The following RHOU variants were observed in gnomAD, a reference collection of about 807,000 sequenced individuals.
The protein encoded by RHOU is ras homolog family member U.
RHOU carries 8 observed loss-of-function variants against 12.6 expected under a neutral mutation model. The ratio of observed to expected loss-of-function variants is 0.64; its 90% CI spans 0.37 to 1.15. RHOU has a LOEUF of 1.15. Ranked by LOEUF, RHOU falls within the 50% of genes most tolerant of loss-of-function variation. The pLI is 0.01. For synonymous variants in RHOU, 161 were observed against 147.4 expected (o/e 1.09, Z -0.67); for missense variants, 258 against 347.0 (o/e 0.74, Z 2.04).
the RHOU span, among the ~76,000 whole-genome samples, chr1:228,708,292 C>T: frequency 1.3e-5 from 2 of 151,910 alleles, no homozygotes; most frequent in African/African-American, 2.4e-5. Flanking sequence ...CATTCAGATT[C>T]AGGAAATACA....
chr1:228,728,998 C>T, the RHOU span, among the ~76,000 whole-genome samples: 4 of 151,784 alleles, frequency 2.6e-5, no homozygotes, highest in African/African-American at 7.3e-5. Flanking sequence ...CGGGTTCAAG[C>T]GATTCTTCTA....
rs1323087565 is a variant in RHOU, at chr1:228,742,056, C to T, written c.322-1229C>T. Among the ~76,000 whole-genome samples, 7 of 152,110 alleles carry T rather than the reference C, an allele frequency of 4.6e-5. No individual in the cohort carries two copies. The East Asian group carries it at 7.7e-4, about 17-fold the overall frequency. On this transcript the variant is annotated intron_variant, in intron 2 of 2. Transcript: ENST00000366691. ...ATGTAAATGGTACTTGGTAAATAATCGGAGTGTGTCAATTGAGTAATGAAA... is the reference window on the plus strand; with the variant it reads ...ATGTAAATGGTACTTGGTAAATAATTGGAGTGTGTCAATTGAGTAATGAAA...
In RHOU at chr1:228,736,441, C is replaced by T. The variant is rs535616599; in HGVS notation, c.262+437C>T. ...CGCGCAGGTGCCTTTACCTGAGCGT[C>T]GCTCCTTTGCTTTTAGGCGGCTCAG... On this transcript the variant is annotated intron_variant, in intron 1 of 2. Transcript: ENST00000366691. Among the ~76,000 whole-genome samples the T allele has an allele frequency of 5.9e-5, 9 of 152,156 alleles. No individual in the cohort carries two copies. The South Asian group carries it at 1.7e-3, about 28-fold the overall frequency.
chr1:228,712,210 T>A, the RHOU span, among the ~76,000 whole-genome samples: 1 of 151,650 alleles, frequency 6.6e-6, no homozygotes, highest in Admixed American at 6.6e-5. Flanking sequence ...ACACTGTTGG[T>A]GGGACTGTAA....
At chr1:228,720,125 T>G in the RHOU span, among the ~76,000 whole-genome samples, 1 of 152,068 alleles carries the variant, frequency 6.6e-6, no homozygotes, top group Admixed American at 6.6e-5. Context: ...GCCAGGAGTT[T>G]GATACCAGCC....
the RHOU span, among the ~76,000 whole-genome samples, chr1:228,677,060 T>G: frequency 6.6e-6 from 1 of 151,890 alleles, no homozygotes; most frequent in African/African-American, 2.4e-5. Flanking sequence ...CGGTGAAAAT[T>G]TTTTGGGGTG....
the RHOU span, among the ~76,000 whole-genome samples, chr1:228,660,351 A>T: frequency 6.6e-6 from 1 of 151,284 alleles, no homozygotes; most frequent in Non-Finnish European, 1.5e-5. Flanking sequence ...TGACCGAAAA[A>T]AATAAAAAAA....
At chr1:228,650,825 AAGCTATACATCACAGCCC>A in the RHOU span, 1 of 423,962 alleles carries the variant, frequency 2.4e-6, no homozygotes, top group South Asian at 1.9e-5. Flanking sequence ...GTTCCTCATC[AAGCTATACATCACAGCCC>A]AGCTGAATGT....
the RHOU span, among the ~76,000 whole-genome samples, chr1:228,707,746 A>C: frequency 1.3e-5 from 2 of 152,224 alleles, no homozygotes; most frequent in African/African-American, 4.8e-5. Flanking sequence ...TAAAAAGCAG[A>C]GTGCCTCTCC....
At chr1:228,657,738 G>A in the RHOU span, among the ~76,000 whole-genome samples, 5 of 152,130 alleles carry the variant, frequency 3.3e-5, no homozygotes, top group Admixed American at 1.3e-4. Flanking sequence ...TTTCTCAAGT[G>A]CACACAGGAC....
At chr1:228,712,569 C>G in the RHOU span, among the ~76,000 whole-genome samples, 1 of 147,486 alleles carries the variant, frequency 6.8e-6, no homozygotes, top group Non-Finnish European at 1.5e-5. Context: ...AACAAAAAAC[C>G]AAAAACCGCA....
the RHOU span, among the ~76,000 whole-genome samples, chr1:228,670,303 C>T: frequency 2.6e-5 from 4 of 152,130 alleles, no homozygotes; most frequent in African/African-American, 9.7e-5. Flanking sequence ...TTAAGGCCAC[C>T]CCCTTTCCTC....
At chr1:228,723,799 T>C in the RHOU span, among the ~76,000 whole-genome samples, 2 of 152,366 alleles carry the variant, frequency 1.3e-5, no homozygotes, top group East Asian at 3.8e-4. Flanking sequence ...ATCTTTACGT[T>C]GACCTACATG....
At chr1:228,652,065 T>C in the RHOU span, among the ~76,000 whole-genome samples, 1 of 152,216 alleles carries the variant, frequency 6.6e-6, no homozygotes, top group South Asian at 2.1e-4. Flanking sequence ...CTTGAATAAG[T>C]ATGACTGTTA....
At chr1:228,668,551 C>A in the RHOU span, among the ~76,000 whole-genome samples, 1 of 152,162 alleles carries the variant, frequency 6.6e-6, no homozygotes, top group Non-Finnish European at 1.5e-5. Context: ...GGCAAACCAC[C>A]ACACACATTT....
the RHOU span, among the ~76,000 whole-genome samples, chr1:228,679,540 G>T: frequency 6.6e-6 from 1 of 151,980 alleles, no homozygotes; most frequent in Non-Finnish European, 1.5e-5. Context: ...CCATGGGGTG[G>T]ATAGGCAAGA....
At chr1:228,712,629 G>A in the RHOU span, among the ~76,000 whole-genome samples, 2 of 131,516 alleles carry the variant, frequency 1.5e-5, no homozygotes, top group African/African-American at 5.7e-5. Context: ...ATGGACACAG[G>A]AAGGGGAACA....
At chr1:228,693,942 A>G in the RHOU span, among the ~76,000 whole-genome samples, 3 of 152,262 alleles carry the variant, frequency 2.0e-5, no homozygotes, top group Non-Finnish European at 4.4e-5. Flanking sequence ...CTTTTCTATC[A>G]AAGATTTGAC....
the RHOU span, among the ~76,000 whole-genome samples, chr1:228,718,308 A>G: frequency 1.3e-5 from 2 of 152,240 alleles, no homozygotes; most frequent in Non-Finnish European, 2.9e-5. Context: ...TTAAGGACAG[A>G]TGGAATCTAC....
Sources: gnomAD v4.1 joint callset for allele counts (sites outside exome capture counted in the v4.1 genomes callset) on GRCh38, gnomAD v4.1.1 for gene constraint, MANE v1.5 for transcripts, NCBI Gene and HGNC (gene_info 2026-07-23, HGNC 2026-07-21) for gene names.